The following PRDM2 variants were observed in gnomAD, a reference collection of about 807,000 sequenced individuals.
PRDM2 encodes the protein PR/SET domain 2, also known as PR domain zinc finger protein 2.
A neutral mutation model predicts 130.0 loss-of-function variants in PRDM2; 30 were observed. The ratio of observed to expected loss-of-function variants is 0.23; its 90% CI spans 0.17 to 0.31. The LOEUF is 0.31. PRDM2 is among the 10% of genes least tolerant of loss of function. The probability of loss-of-function intolerance (pLI) is 1.00; values close to 1 mark genes in which losing one functional copy is unlikely to be tolerated. For missense variants in PRDM2, 2,011 were observed against 2,108.4 expected (o/e 0.95, Z 0.90); for synonymous variants, 871 against 782.4 (o/e 1.11, Z -1.89).
At chr1:13,701,631 T>A (rs138093236) in intron 1 of PRDM2, among the ~76,000 whole-genome samples, 1 of 152,302 alleles carries the variant, frequency 6.6e-6, no homozygotes, top group East Asian at 1.9e-4. Context: ...ACATGTAGAA[T>A]CTTAGTTTAG....
In PRDM2 at chr1:13,780,631, C is replaced by G; in HGVS notation, c.2836C>G (p.Pro946Ala). Residue 946 changes from proline (P) to alanine (A), a missense_variant, in exon 8 of 10, where the codon CCT (proline) becomes GCT (alanine). Physicochemically the swap from Pro to Ala is conservative, Grantham distance 27. This residue lies in a region of PRDM2 where 1,288 missense variants were observed against 1,237.7 expected (regional missense o/e 1.04). Coordinates refer to ENST00000311066, the MANE Select transcript of PRDM2 (RefSeq NM_001393986.1). The stretch of plus-strand genomic sequence containing the variant: ...TGTTGAGTCCACACCTGATGTTTGT[C>G]CTTCATCACCTGCCCTGCAGACACC... ...PTVESTPDVC[P>A]SSPALQTPSL... 6.2e-7 allele frequency: 1 copy of G among 1,613,772 alleles called. No individual in the cohort carries two copies. Among genetic ancestry groups the G allele is most frequent in the South Asian group, 1.1e-5 (1 of 91,052 alleles).
intron 6 of PRDM2, among the ~76,000 whole-genome samples, chr1:13,756,227 C>T (rs1643948628): frequency 6.7e-6 from 1 of 148,844 alleles, no homozygotes; most frequent in Non-Finnish European, 1.5e-5. Context: ...TGCGCCACAG[C>T]ACTCCAGCCT....
intron 8 of PRDM2, 92 bp downstream of exon 8, chr1:13,782,923 T>A: frequency 6.3e-7 from 1 of 1,578,066 alleles, no homozygotes; most frequent in Non-Finnish European, 8.5e-7. Flanking sequence ...CTTTTTTTTT[T>A]TTTTTTCCCC....
chr1:13,750,773 C>T (rs1643805154), intron 6 of PRDM2, among the ~76,000 whole-genome samples: 1 of 151,484 alleles, frequency 6.6e-6, no homozygotes, highest in Admixed American at 6.6e-5. Context: ...TAGAAAATTC[C>T]CAGTTTTTTT....
chr1:13,701,498 G>A (rs1186482941), intron 1 of PRDM2, among the ~76,000 whole-genome samples: 1 of 152,130 alleles, frequency 6.6e-6, no homozygotes, highest in Non-Finnish European at 1.5e-5. Flanking sequence ...CATATATTAA[G>A]GAGGAGGAAC....
intron 8 of PRDM2, among the ~76,000 whole-genome samples, chr1:13,814,251 T>C (rs1382898145): frequency 3.9e-5 from 6 of 152,210 alleles, no homozygotes; most frequent in African/African-American, 1.4e-4. Flanking sequence ...AGGAGCACAG[T>C]TGTATGAAGC....
rs1411132215 is a variant in PRDM2 at position 13,749,502 on chromosome 1, G to T, written c.511+15G>T. On this transcript the variant is annotated intron_variant, in intron 6 of 9. Transcript: ENST00000311066. The stretch of plus-strand genomic sequence containing the variant: ...GAGCCGGAAAGGTAGGAGCCCCCCG[G>T]CCCGCCCGCCCGGCCCCGGCGCCAC... 2 of 1,331,796 alleles carry T rather than the reference G, an allele frequency of 1.5e-6. No individual in the cohort carries two copies. Among genetic ancestry groups the T allele is most frequent in the South Asian group, 1.3e-5 (1 of 75,292 alleles). The allele number at this position is 1,331,796 out of a possible 1,614,324, so 82.5% of individuals were successfully genotyped here.
At chr1:13,704,908 CTT>C (rs1642161960) in intron 1 of PRDM2, 1 of 152,114 alleles carries the variant, frequency 6.6e-6, no homozygotes, top group African/African-American at 2.4e-5. Flanking sequence ...TTTTTAGGGA[CTT>C]TGCTATAATT....
intron 6 of PRDM2, among the ~76,000 whole-genome samples, chr1:13,757,442 A>T (rs964697415): frequency 1.3e-5 from 2 of 152,172 alleles, no homozygotes; most frequent in Non-Finnish European, 2.9e-5. Context: ...CGAGTTTAGG[A>T]TTATAGAGCT....
rs1352498276 is a variant in PRDM2, at chr1:13,803,121, G to A, written c.5037-13306G>A. ...GAAGGTGGGCTGGGGAGGCCTGAGGGCTGTAGGGTTAGGTTCACAGAACTG... is the reference window on the plus strand; with the variant it reads ...GAAGGTGGGCTGGGGAGGCCTGAGGACTGTAGGGTTAGGTTCACAGAACTG... On this transcript the variant is annotated intron_variant, in intron 8 of 9. Transcript: ENST00000311066. This position sits in a 1 kb window ranked among gnomAD's most constrained non-coding sequence, Gnocchi z 6.2. 6.6e-6 allele frequency among the ~76,000 whole-genome samples: 1 copy of A among 152,226 alleles called. No individual in the cohort carries two copies. The highest frequency in any genetic ancestry group is 1.5e-5 in the Non-Finnish European group (1 of 68,042).
At position 13,718,219 on chromosome 1, in the gene PRDM2, G is replaced by A. The variant is rs567112593; in HGVS notation, c.9+2605G>A. On this transcript the variant is annotated intron_variant, in intron 2 of 9. Coordinates refer to ENST00000311066, the MANE Select transcript of PRDM2 (RefSeq NM_001393986.1). ...AAATAAAATCCCGATGGTTATTTTA[G>A]GGTTAGGTTATTCTCCCCAGGAATG... Among the ~76,000 whole-genome samples, 4 of 152,258 alleles carry A rather than the reference G, an allele frequency of 2.6e-5. No homozygotes were observed. In the East Asian group the frequency reaches 7.7e-4, roughly 29 times the overall value.
In PRDM2 at chr1:13,702,063, A is replaced by G. The variant is rs376848190; in HGVS notation, c.-66+1763A>G. On this transcript the variant is annotated intron_variant, in intron 1 of 9. Coordinates refer to ENST00000311066, the MANE Select transcript of PRDM2 (RefSeq NM_001393986.1). ...GAGAAAAGCACAAAGAAGAAACAGA[A>G]ATTGGGCATAACCTTCCCCTCTTCA... 4.5e-3 allele frequency among the ~76,000 whole-genome samples: 681 copies of G among 152,322 alleles called. 7 individuals carry two copies. Among genetic ancestry groups the G allele is most frequent in the African/African-American group, 0.016 (656 of 41,578 alleles).
In PRDM2 at chr1:13,806,527, C is replaced by T. The variant is rs1373775067; in HGVS notation, c.5037-9900C>T. Among the ~76,000 whole-genome samples, 1 of 152,156 alleles carries T rather than the reference C, an allele frequency of 6.6e-6. No homozygotes were observed. Among genetic ancestry groups the T allele is most frequent in the Non-Finnish European group, 1.5e-5 (1 of 68,012 alleles). Reference sequence around the variant, plus strand: ...CCTATGTGGGATGAATGGAAACGGTCCTGCTTGGAGTCCAGCTACCAGCTA... The same window carrying T: ...CCTATGTGGGATGAATGGAAACGGTTCTGCTTGGAGTCCAGCTACCAGCTA... On this transcript the variant is annotated intron_variant, in intron 8 of 9. Transcript: ENST00000311066. This position sits in a 1 kb window ranked among gnomAD's most constrained non-coding sequence, Gnocchi z 4.1.
chr1:13,741,994 C>T lies in PRDM2; in HGVS notation c.232-11C>T. ...TTTAACAAAAGTTTTTTACTTTTCTCCATTTTCAAGGTGTATTACCCAAAT... is the reference window on the plus strand; with the variant it reads ...TTTAACAAAAGTTTTTTACTTTTCTTCATTTTCAAGGTGTATTACCCAAAT... On this transcript the variant is annotated splice_polypyrimidine_tract_variant and intron_variant, in intron 4 of 9. Coordinates refer to ENST00000311066, the MANE Select transcript of PRDM2 (RefSeq NM_001393986.1). 6.6e-7 allele frequency: 1 copy of T among 1,518,478 alleles called. No homozygotes were observed. Among genetic ancestry groups the T allele is most frequent in the Non-Finnish European group, 9.1e-7 (1 of 1,104,804 alleles). 94.1% of individuals were successfully genotyped at this position (1,518,478 alleles called of 1,614,324 possible).
chr1:13,799,887 GA>G (rs1271345994), intron 8 of PRDM2, among the ~76,000 whole-genome samples: 13 of 152,358 alleles, frequency 8.5e-5, no homozygotes, highest in Non-Finnish European at 1.8e-4. Flanking sequence ...GTGTGGGTGA[GA>G]AAATTAAAAA....
chr1:13,815,469 C>T lies in PRDM2; in HGVS notation c.5037-958C>T, dbSNP rs35084059. Reference sequence around the variant, plus strand: ...TGCAACAATGAACAGGACAAAGATCCTGACCTTGGGATCTCAGAGCTCATG... The same window carrying T: ...TGCAACAATGAACAGGACAAAGATCTTGACCTTGGGATCTCAGAGCTCATG... On this transcript the variant is annotated intron_variant, in intron 8 of 9. Coordinates refer to ENST00000311066, the MANE Select transcript of PRDM2 (RefSeq NM_001393986.1). 4.7e-3 allele frequency among the ~76,000 whole-genome samples: 721 copies of T among 152,022 alleles called. 5 individuals are homozygous for T. Among genetic ancestry groups the T allele is most frequent in the African/African-American group, 0.016 (679 of 41,500 alleles).
rs1057066607 is a variant in PRDM2, at chr1:13,816,355, G to GC, written c.5037-65dup. 9.6e-4 allele frequency: 1,504 copies of GC among 1,571,538 alleles called. 13 individuals carry two copies. The Middle Eastern group carries it at 0.02, about 21-fold the overall frequency. On this transcript the variant is annotated intron_variant, in intron 8 of 9. Transcript: ENST00000311066. ...GGAAGTGGTGACCAGCACTAAGGAA[G>GC]CCCCCCCAGCAATGTCTAGGGCACC...
intron 8 of PRDM2, among the ~76,000 whole-genome samples, chr1:13,784,174 A>G (rs534565428): frequency 2.6e-5 from 4 of 152,328 alleles, no homozygotes; most frequent in South Asian, 2.1e-4. Flanking sequence ...CGGCACATAC[A>G]TAGGTAGCAT....
At chr1:13,798,371 C>A (rs1009165410) in intron 8 of PRDM2, among the ~76,000 whole-genome samples, 2 of 152,048 alleles carry the variant, frequency 1.3e-5, no homozygotes, top group African/African-American at 2.4e-5. Flanking sequence ...AAAATCAAGC[C>A]GAAAGAAAAG....
Sources: allele counts gnomAD v4.1 joint callset (sites outside exome capture counted in the v4.1 genomes callset), GRCh38; gene constraint gnomAD v4.1.1; regional missense constraint gnomAD v4.1.1; non-coding constraint Gnocchi (gnomAD v3.1); transcripts MANE v1.5; gene names NCBI Gene and HGNC (gene_info 2026-07-23, HGNC 2026-07-21).